ANLN: variants seen among roughly 807,000 people sequenced by gnomAD.
ANLN encodes the protein anillin, actin binding protein.
A neutral mutation model predicts 135.1 loss-of-function variants in ANLN; 59 were observed. That is an observed-to-expected ratio of 0.44 (90% confidence interval 0.35 to 0.54). The LOEUF (loss-of-function observed/expected upper bound fraction) is 0.54, where lower values mean the gene tolerates loss of function less well. Ranked by LOEUF, ANLN falls within the 20% of genes least tolerant of loss-of-function variation. The pLI is 0.00. For missense variants in ANLN, 1,182 were observed against 1,340.0 expected (o/e 0.88, Z 1.84); for synonymous variants, 406 against 456.4 (o/e 0.89, Z 1.41).
chr7:36,429,986 A>C (rs1033024870), intron 20 of ANLN, among the ~76,000 whole-genome samples: 43 of 152,330 alleles, frequency 2.8e-4, no homozygotes, highest in African/African-American at 1.0e-3. Context: ...AGTCAGATAC[A>C]GTACGATTTA....
intron 21 of ANLN, among the ~76,000 whole-genome samples, chr7:36,442,640 A>G (rs1330393185): frequency 6.6e-6 from 1 of 151,604 alleles, no homozygotes; most frequent in Non-Finnish European, 1.5e-5. Context: ...ATATTTTTAT[A>G]TATTTTTTTG....
At chr7:36,432,749 C>T (rs577139038) in intron 20 of ANLN, among the ~76,000 whole-genome samples, 33 of 152,168 alleles carry the variant, frequency 2.2e-4, no homozygotes, top group African/African-American at 7.7e-4. Flanking sequence ...TTAATCTCCT[C>T]TTTTGGATTT....
At chr7:36,400,583 C>T (rs1163849437) in intron 3 of ANLN, among the ~76,000 whole-genome samples, 4 of 152,026 alleles carry the variant, frequency 2.6e-5, no homozygotes, top group Non-Finnish European at 4.4e-5. Flanking sequence ...AGGCTGGTCT[C>T]GAACTCCTGA....
rs1788311850 is a variant in ANLN, at chr7:36,431,561, T to TGTG, written c.2883+4533_2883+4534insGTG. On this transcript the variant is annotated intron_variant, in intron 20 of 23. Transcript: ENST00000265748. ...TATATGTGTGTATATATGTGTGTGT[T>TGTG]TGTGTGTGTGTGTGTGTGTGTGTGT... Among the ~76,000 whole-genome samples, 64 of 76,038 alleles carry TGTG rather than the reference T, an allele frequency of 8.4e-4. 1 individual carries two copies. Among genetic ancestry groups the TGTG allele is most frequent in the Non-Finnish European group, 1.3e-3 (53 of 40,558 alleles). 49.9% of individuals were successfully genotyped at this position (76,038 alleles called of 152,430 possible).
chr7:36,422,107 GTGGATCTATTTT>G (rs1455561413), intron 13 of ANLN, 115 bp downstream of exon 13: 1 of 1,187,280 alleles, frequency 8.4e-7, no homozygotes, highest in African/African-American at 1.6e-5. Context: ...ATCTGTTCCA[GTGGATCTATTTT>G]TTGTTCTTGT....
chr7:36,441,698 T>C (rs1583655478), intron 21 of ANLN, among the ~76,000 whole-genome samples: 1 of 152,238 alleles, frequency 6.6e-6, no homozygotes, highest in East Asian at 1.9e-4. Context: ...GAAAAGGCCG[T>C]CCTTTTCTTA....
At chr7:36,422,505 A>G in intron 13 of ANLN, 128 bp from the exon 14 acceptor site, 2 of 779,966 alleles carry the variant, frequency 2.6e-6, no homozygotes, top group Non-Finnish European at 3.9e-6. Flanking sequence ...CATGTTTTAT[A>G]AAGATAGTGT....
chr7:36,399,544 C>A, intron 3 of ANLN, 151 bp downstream of exon 3: 1 of 742,478 alleles, frequency 1.3e-6, no homozygotes, highest in Non-Finnish European at 2.1e-6. Flanking sequence ...GGTTTGTCTA[C>A]CAGTAGTATA....
intron 20 of ANLN, among the ~76,000 whole-genome samples, chr7:36,432,628 C>T (rs1426623365): frequency 1.3e-5 from 2 of 152,318 alleles, no homozygotes; most frequent in African/African-American, 2.4e-5. Context: ...TTTGCCAACT[C>T]GTAGTCTACC....
At chr7:36,450,021 G>GA (rs986147338) in intron 23 of ANLN, among the ~76,000 whole-genome samples, 184 bp downstream of exon 23, 2 of 152,198 alleles carry the variant, frequency 1.3e-5, no homozygotes. Flanking sequence ...TGTAGTTAAG[G>GA]AAAGTATAAT....
intron 23 of ANLN, 94 bp downstream of exon 23, chr7:36,449,931 C>T (rs1005286585): frequency 8.7e-6 from 11 of 1,264,914 alleles, no homozygotes; most frequent in Non-Finnish European, 1.2e-5. Flanking sequence ...TGGTCCTTGA[C>T]GTTGAAAAGG....
chr7:36,414,126 C>G (rs1018015850), intron 7 of ANLN, among the ~76,000 whole-genome samples: 1 of 152,046 alleles, frequency 6.6e-6, no homozygotes, highest in East Asian at 1.9e-4. Context: ...TTTGCTGTAA[C>G]GTGGCAAGAG....
chr7:36,412,327 AT>A (rs1554343030), intron 7 of ANLN, among the ~76,000 whole-genome samples: 10,075 of 93,544 alleles, frequency 0.11, 331 homozygotes, highest in Non-Finnish European at 0.13. Context: ...ATATATATAT[AT>A]TTTTTTTTTT....
rs6951819 is a variant in ANLN, at chr7:36,400,861, T to A, written c.487+1468T>A. On this transcript the variant is annotated intron_variant, in intron 3 of 23. Transcript: ENST00000265748. ...AGCTCAAAGATGTGCTTTTGTCTTA[T>A]TTTTTTTAAAGCTCTTTAGGTAATT... Among the ~76,000 whole-genome samples, 1,241 of 150,172 alleles carry A rather than the reference T, an allele frequency of 8.3e-3. 7 individuals carry two copies. Among genetic ancestry groups the A allele is most frequent in the Non-Finnish European group, 0.013 (878 of 66,734 alleles).
At position 36,406,202 on chromosome 7, in the gene ANLN, T is replaced by C. The variant is rs1186307585; in HGVS notation, c.509T>C (p.Leu170Pro). The change falls in exon 4 of 24, where the codon CTC becomes CCC. Residue 170 changes from leucine (L) to proline (P), a missense_variant. Transcript: ENST00000265748. ...DMTDDIPESS[L>P]FSPMPSEEKA... ...TCAGATGACATTCCTGAAAGCTCAC[T>C]CTTCTCACCAATGCCATCAGAGGAA... 5.6e-6 allele frequency: 9 copies of C among 1,595,916 alleles called. No homozygotes were observed. The highest frequency in any genetic ancestry group is 7.7e-6 in the Non-Finnish European group (9 of 1,167,542).
intron 6 of ANLN, 52 bp downstream of exon 6, chr7:36,410,756 C>T (rs987893553): frequency 6.6e-7 from 1 of 1,525,942 alleles, no homozygotes; most frequent in Non-Finnish European, 8.9e-7. Flanking sequence ...TGCATAGAAC[C>T]TAGAAATCAA....
In ANLN at chr7:36,415,847, C is replaced by T. The variant is rs368277090; in HGVS notation, c.1485C>T (p.Asn495=). The change falls in exon 8 of 24, where the codon AAC becomes AAT. Residue 495 remains asparagine (N), a synonymous_variant. Coordinates refer to ENST00000265748, the MANE Select transcript of ANLN (RefSeq NM_018685.5). ...CAGTAACAGAAAAGGTGACCGAAAA[C>T]CAGATACCAGCCAAAAATTCTAGTA... The part of the protein sequence containing the change: ...SLPVTEKVTE[N]QIPAKNSSTE... The T allele has an allele frequency of 7.5e-5, 121 of 1,605,382 alleles. No individual in the cohort carries two copies. The highest frequency in any genetic ancestry group is 1.2e-4 in the Admixed American group (7 of 57,886).
At chr7:36,403,693 G>A (rs983266398) in intron 3 of ANLN, 2 of 152,250 alleles carry the variant, frequency 1.3e-5, no homozygotes, top group African/African-American at 4.8e-5. Context: ...CATTGCTCAG[G>A]CTGGAGTGCA....
chr7:36,435,235 TC>T (rs1788478604), intron 20 of ANLN, among the ~76,000 whole-genome samples: 2 of 152,198 alleles, frequency 1.3e-5, no homozygotes, highest in South Asian at 4.1e-4. Context: ...AAGGGACATT[TC>T]CATCACTCCC....
Sources: allele counts gnomAD v4.1 joint callset (sites outside exome capture counted in the v4.1 genomes callset), GRCh38; gene constraint gnomAD v4.1.1; transcripts MANE v1.5; gene names NCBI Gene and HGNC (gene_info 2026-07-23, HGNC 2026-07-21).